The following SMYD3 variants were observed in gnomAD, a reference collection of about 807,000 sequenced individuals.
SMYD3 encodes the protein histone-lysine N-methyltransferase SMYD3.
A neutral mutation model predicts 57.7 loss-of-function variants in SMYD3; 36 were observed. The ratio of observed to expected loss-of-function variants is 0.62; its 90% CI spans 0.48 to 0.82. The LOEUF (loss-of-function observed/expected upper bound fraction) is 0.82, where lower values mean the gene tolerates loss of function less well. Ranked by LOEUF, SMYD3 falls within the 40% of genes least tolerant of loss-of-function variation. The probability of loss-of-function intolerance (pLI) is 0.00; values close to 1 mark genes in which losing one functional copy is unlikely to be tolerated. For missense variants in SMYD3, 515 were observed against 538.8 expected (o/e 0.96, Z 0.44); for synonymous variants, 211 against 195.0 (o/e 1.08, Z -0.68).
intron 5 of SMYD3, among the ~76,000 whole-genome samples, chr1:246,171,834 G>A (rs1222888951): frequency 2.0e-5 from 3 of 152,178 alleles, no homozygotes; most frequent in Admixed American, 2.0e-4. Context: ...AACATAGCAA[G>A]ACCTCAACTC....
chr1:246,349,386 C>A (rs2065781473), intron 2 of SMYD3, among the ~76,000 whole-genome samples: 4 of 151,720 alleles, frequency 2.6e-5, no homozygotes, highest in Admixed American at 2.6e-4. Flanking sequence ...AGGTGTACTG[C>A]CTGAGCTTAG....
intron 5 of SMYD3, among the ~76,000 whole-genome samples, chr1:246,032,008 C>T (rs973891460): frequency 1.3e-5 from 2 of 152,092 alleles, no homozygotes; most frequent in Non-Finnish European, 2.9e-5. Context: ...CCCTTACACC[C>T]TCGAAGCAAC....
intron 5 of SMYD3, among the ~76,000 whole-genome samples, chr1:246,247,600 C>T (rs12406081): frequency 0.21 from 31,162 of 151,068 alleles, 3,883 homozygotes; most frequent in East Asian, 0.57. Context: ...CTCTTTTTTC[C>T]GCACTCTGAA....
intron 10 of SMYD3, among the ~76,000 whole-genome samples, chr1:245,853,144 G>A (rs917026090): frequency 9.2e-5 from 14 of 152,178 alleles, no homozygotes; most frequent in African/African-American, 3.1e-4. Context: ...AACAACATAC[G>A]TGGAAAGAAT....
At chr1:245,998,299 A>C (rs886862639) in intron 5 of SMYD3, among the ~76,000 whole-genome samples, 1 of 152,140 alleles carries the variant, frequency 6.6e-6, no homozygotes, top group Admixed American at 6.5e-5. Flanking sequence ...TCATTTTCTG[A>C]GCTCCCAGAG....
chr1:245,936,448 T>C (rs1486292730), intron 5 of SMYD3, among the ~76,000 whole-genome samples: 2 of 152,124 alleles, frequency 1.3e-5, no homozygotes, highest in East Asian at 3.8e-4. Context: ...ACCTAAAACC[T>C]TTCTTGTCTT....
At chr1:245,908,107 A>T (rs930291802) in intron 8 of SMYD3, among the ~76,000 whole-genome samples, 2 of 151,898 alleles carry the variant, frequency 1.3e-5, no homozygotes, top group Non-Finnish European at 2.9e-5. Flanking sequence ...CTGCACTCCA[A>T]CGTGGTGATA....
chr1:245,879,676 T>C (rs1178009266), intron 8 of SMYD3, among the ~76,000 whole-genome samples: 1 of 152,214 alleles, frequency 6.6e-6, no homozygotes, highest in Non-Finnish European at 1.5e-5. Context: ...CTGAACTATA[T>C]TCCAGGACAG....
intron 5 of SMYD3, among the ~76,000 whole-genome samples, chr1:246,161,690 T>C (rs2062122779): frequency 6.6e-6 from 1 of 152,252 alleles, no homozygotes; most frequent in African/African-American, 2.4e-5. Context: ...CTTAAAAGTA[T>C]TGTTCTTCTA....
intron 5 of SMYD3, among the ~76,000 whole-genome samples, chr1:246,173,077 C>T (rs1164880161): frequency 6.6e-6 from 1 of 151,324 alleles, no homozygotes; most frequent in East Asian, 2.0e-4. Flanking sequence ...GCCTAGAACA[C>T]TCACTGTACT....
rs147013634 is a variant in SMYD3, at chr1:246,256,553, C to T, written c.531+70648G>A. Among the ~76,000 whole-genome samples the T allele has an allele frequency of 6.7e-4, 96 of 143,320 alleles. 2 individuals are homozygous for T. In the South Asian group the frequency reaches 0.01, roughly 15 times the overall value. 94.0% of individuals were successfully genotyped at this position (143,320 alleles called of 152,430 possible). A position where few individuals can be genotyped will look rare whatever the true frequency, so the allele number is the denominator to read the frequency against. ...GTCACTTTTGTCACTTCTAATTGTG[C>T]TTATTTGAACTTCTTTTTTGTTAAT... On this transcript the variant is annotated intron_variant, in intron 5 of 11. Coordinates refer to ENST00000490107, the MANE Select transcript of SMYD3 (RefSeq NM_001167740.2).
intron 5 of SMYD3, among the ~76,000 whole-genome samples, chr1:245,984,148 T>C (rs2058656362): frequency 6.6e-6 from 1 of 151,928 alleles, no homozygotes; most frequent in Non-Finnish European, 1.5e-5. Context: ...TACAGGCGCC[T>C]GCCACCACGC....
intron 5 of SMYD3, among the ~76,000 whole-genome samples, chr1:246,274,001 T>C (rs2064282332): frequency 6.6e-6 from 1 of 152,204 alleles, no homozygotes; most frequent in South Asian, 2.1e-4. Context: ...ACTTTAAAGT[T>C]AGGAAACTCA....
intron 1 of SMYD3, among the ~76,000 whole-genome samples, chr1:246,480,132 T>C (rs999487794): frequency 1.3e-5 from 2 of 152,200 alleles, no homozygotes; most frequent in African/African-American, 4.8e-5. Context: ...ACAATAAAAG[T>C]AACCCACTTA....
At chr1:246,448,459 A>T (rs1000129416) in intron 1 of SMYD3, among the ~76,000 whole-genome samples, 1 of 152,148 alleles carries the variant, frequency 6.6e-6, no homozygotes, top group Non-Finnish European at 1.5e-5. Context: ...CATCCCCAAC[A>T]TATCTACTGA....
At chr1:245,814,003 T>C (rs947610892) in intron 10 of SMYD3, among the ~76,000 whole-genome samples, 2 of 151,930 alleles carry the variant, frequency 1.3e-5, no homozygotes, top group East Asian at 3.9e-4. Flanking sequence ...CGTATATTTT[T>C]AAATGACAGC....
intron 5 of SMYD3, among the ~76,000 whole-genome samples, chr1:246,196,003 C>T (rs2062826129): frequency 1.3e-5 from 2 of 152,060 alleles, no homozygotes; most frequent in Admixed American, 1.3e-4. Context: ...GTCTTTAAAG[C>T]TAGTGAAAAT....
At chr1:246,222,124 A>T (rs1210792564) in intron 5 of SMYD3, among the ~76,000 whole-genome samples, 1 of 152,134 alleles carries the variant, frequency 6.6e-6, no homozygotes, top group Non-Finnish European at 1.5e-5. Context: ...ACATAACTAC[A>T]AGGAGTCTAA....
intron 1 of SMYD3, among the ~76,000 whole-genome samples, chr1:246,360,540 A>C (rs1193423185): frequency 6.6e-6 from 1 of 152,212 alleles, no homozygotes; most frequent in Non-Finnish European, 1.5e-5. Context: ...GCATCACATT[A>C]TCCAACTCCA....
Sources: gnomAD v4.1 joint callset for allele counts (sites outside exome capture counted in the v4.1 genomes callset) on GRCh38, gnomAD v4.1.1 for gene constraint, MANE v1.5 for transcripts, NCBI Gene and HGNC (gene_info 2026-07-23, HGNC 2026-07-21) for gene names.